Variants in TRDN observed in about 807,000 individuals in gnomAD.
TRDN encodes the protein triadin.
Under a neutral mutation model 149.7 loss-of-function variants are expected in TRDN, and 161 were observed. The observed-to-expected ratio is 1.08, with a 90% CI of 0.95 to 1.23. The LOEUF (loss-of-function observed/expected upper bound fraction) is 1.23. Among genes scored for constraint, TRDN ranks in the 50% most tolerant of loss-of-function variants. The pLI is 0.00. For synonymous variants in TRDN, 294 were observed against 250.5 expected, an observed-to-expected ratio of 1.17 and a Z score of -1.64; for missense variants, 896 against 823.5, an observed-to-expected ratio of 1.09 and a Z score of -1.08.
intron 9 of TRDN, among the ~76,000 whole-genome samples, chr6:123,494,857 C>T (rs758587959): frequency 4.3e-4 from 66 of 152,078 alleles, no homozygotes; most frequent in Non-Finnish European, 8.1e-4. Context: ...CCTCAGCCTC[C>T]CAAGTGGCTG....
intron 18 of TRDN, among the ~76,000 whole-genome samples, chr6:123,376,870 G>T (rs1254340027): frequency 1.3e-5 from 2 of 151,652 alleles, no homozygotes; most frequent in African/African-American, 4.8e-5. Context: ...ATTACATAAG[G>T]TTATGATCAC....
At chr6:123,493,559 G>A (rs569477852) in intron 9 of TRDN, among the ~76,000 whole-genome samples, 1 of 152,112 alleles carries the variant, frequency 6.6e-6, no homozygotes, top group Non-Finnish European at 1.5e-5. Context: ...GGTTACTTTT[G>A]AGGGTGTGAC....
intron 9 of TRDN, among the ~76,000 whole-genome samples, chr6:123,488,065 G>A (rs1778050166): frequency 6.6e-6 from 1 of 152,056 alleles, no homozygotes; most frequent in Non-Finnish European, 1.5e-5. Context: ...ACTATGCTGA[G>A]CCTGGGACTG....
intron 1 of TRDN, among the ~76,000 whole-genome samples, chr6:123,581,108 A>C (rs1288959424): frequency 6.6e-6 from 1 of 152,146 alleles, no homozygotes; most frequent in Non-Finnish European, 1.5e-5. Context: ...TGAATTCCTG[A>C]GACATTACAG....
intron 12 of TRDN, among the ~76,000 whole-genome samples, chr6:123,405,329 G>A (rs1773151522): frequency 6.6e-6 from 1 of 152,200 alleles, no homozygotes. Context: ...TCTAACAAAT[G>A]GCTCAACTGA....
chr6:123,276,178 A>C (rs1777360849), intron 26 of TRDN, among the ~76,000 whole-genome samples: 1 of 152,172 alleles, frequency 6.6e-6, no homozygotes, highest in Non-Finnish European at 1.5e-5. Context: ...CACAGGTAAC[A>C]CATAAATTTT....
At chr6:123,503,977 AG>A (rs36032493) in intron 7 of TRDN, 76 bp from the exon 8 acceptor site, 20 of 1,432,138 alleles carry the variant, frequency 1.4e-5, no homozygotes, top group Non-Finnish European at 1.6e-5. Context: ...TATGTCATTA[AG>A]GAAAATTGGA....
intron 24 of TRDN, among the ~76,000 whole-genome samples, chr6:123,288,882 G>T (rs2195727): frequency 0.19 from 28,046 of 151,448 alleles, 3,417 homozygotes; most frequent in East Asian, 0.62. Flanking sequence ...GCAATTTCAC[G>T]TCTGTTATAT....
chr6:123,606,982 C>A (rs573481326), intron 1 of TRDN, among the ~76,000 whole-genome samples: 1 of 152,306 alleles, frequency 6.6e-6, no homozygotes, highest in South Asian at 2.1e-4. Flanking sequence ...GGAGTCCCCC[C>A]ACACATTGAT....
chr6:123,428,956 G>C (rs898010832), intron 12 of TRDN, among the ~76,000 whole-genome samples: 4 of 152,140 alleles, frequency 2.6e-5, no homozygotes, highest in Non-Finnish European at 5.9e-5. Flanking sequence ...GTGAATGAAT[G>C]AAGGAAAGCA....
chr6:123,557,268 GGTGCC>G (rs888919311), intron 2 of TRDN, among the ~76,000 whole-genome samples: 35 of 152,180 alleles, frequency 2.3e-4, no homozygotes, highest in African/African-American at 7.9e-4. Flanking sequence ...TGTGAAATTT[GGTGCC>G]GTGACTCGGA....
At position 123,459,846 on chromosome 6, in the gene TRDN, C is replaced by T. The variant is rs1776349295; in HGVS notation, c.931+5060G>A. 3.9e-5 allele frequency among the ~76,000 whole-genome samples: 6 copies of T among 152,276 alleles called. No individual in the cohort carries two copies. The South Asian group carries it at 1.2e-3, about 32-fold the overall frequency. ...GCCTTGGTAGGAGACACCTGGCTTT[C>T]AATTCCAGTTATACCATTTTTAGAG... On this transcript the variant is annotated intron_variant, in intron 10 of 40. Transcript: ENST00000334268.
At chr6:123,380,797 A>C (rs926350755) in intron 16 of TRDN, among the ~76,000 whole-genome samples, 1 of 151,102 alleles carries the variant, frequency 6.6e-6, no homozygotes, top group African/African-American at 2.4e-5. Context: ...ACATACATTA[A>C]GTTATTGAGC....
At chr6:123,418,142 G>A (rs891374072) in intron 12 of TRDN, among the ~76,000 whole-genome samples, 13 of 152,132 alleles carry the variant, frequency 8.5e-5, no homozygotes, top group Non-Finnish European at 1.5e-4. Context: ...TGTCATAATA[G>A]GTAGGGTAAG....
chr6:123,340,027 TC>T (rs1218146171), intron 21 of TRDN, among the ~76,000 whole-genome samples: 1 of 152,170 alleles, frequency 6.6e-6, no homozygotes, highest in Non-Finnish European at 1.5e-5. Context: ...CCAGGAATTT[TC>T]CAGTTTAAGT....
At chr6:123,536,456 A>G (rs191267944) in intron 4 of TRDN, among the ~76,000 whole-genome samples, 3 of 152,190 alleles carry the variant, frequency 2.0e-5, no homozygotes, top group Admixed American at 1.3e-4. Context: ...ATTTGAAAAA[A>G]TATTTTATTT....
At chr6:123,385,123 A>T (rs888108748) in intron 14 of TRDN, among the ~76,000 whole-genome samples, 1 of 152,156 alleles carries the variant, frequency 6.6e-6, no homozygotes, top group Non-Finnish European at 1.5e-5. Context: ...TTCATAAGTG[A>T]TGCCAGATGA....
At position 123,495,458 on chromosome 6, in the gene TRDN, G is replaced by T. The variant is rs528003530; in HGVS notation, c.853+1735C>A. ...CGCTTGAACCCAGGAGGCAGAGGTT[G>T]CAGTGAGCCGAGATCACACCATTGC... is the stretch of plus-strand genomic sequence containing the variant. On this transcript the variant is annotated intron_variant, in intron 9 of 40. Transcript: ENST00000334268. 4.6e-5 allele frequency among the ~76,000 whole-genome samples: 7 copies of T among 152,044 alleles called. No individual in the cohort carries two copies. The South Asian group carries it at 1.5e-3, about 32-fold the overall frequency.
At chr6:123,580,747 C>T (rs1783081570) in intron 1 of TRDN, among the ~76,000 whole-genome samples, 1 of 152,146 alleles carries the variant, frequency 6.6e-6, no homozygotes, top group Admixed American at 6.6e-5. Context: ...TGGAAAACTG[C>T]TTAGAGTTCT....
Sources: gnomAD v4.1 joint callset for allele counts (sites outside exome capture counted in the v4.1 genomes callset) on GRCh38, gnomAD v4.1.1 for gene constraint, MANE v1.5 for transcripts, NCBI Gene and HGNC (gene_info 2026-07-23, HGNC 2026-07-21) for gene names.